The following DOCK1 variants were observed in gnomAD, a reference collection of about 807,000 sequenced individuals.
DOCK1 encodes dedicator of cytokinesis 1, also known as dedicator of cytokinesis protein 1.
In DOCK1, 138 loss-of-function variants were observed where a neutral mutation model predicts 262.7. The ratio of observed to expected loss-of-function variants is 0.53; its 90% confidence interval spans 0.46 to 0.61. DOCK1 has a LOEUF of 0.61. DOCK1 is among the 20% of genes least tolerant of loss of function. The probability of loss-of-function intolerance (pLI) is 0.00; values close to 1 mark genes in which losing one functional copy is unlikely to be tolerated. For missense variants in DOCK1, 1,908 were observed against 2,370.7 expected (o/e 0.80, Z 4.05); for synonymous variants, 866 against 867.4 (o/e 1.00, Z 0.03).
In DOCK1 at chr10:127,075,169, CAAAAAAAAAAAAAAA is replaced by C. The variant is rs71032536; in HGVS notation, c.2445+13409_2445+13423del. On this transcript the variant is annotated intron_variant, in intron 23 of 51. Coordinates refer to ENST00000623213, the MANE Select transcript of DOCK1 (RefSeq NM_001290223.2). Reference sequence around the variant, plus strand: ...GGGCAACAAGAGCGAAACTCTGTCTCAAAAAAAAAAAAAAAAAAAAAAAAAAAAAAGGAGAGTTGT... The same window carrying C: ...GGGCAACAAGAGCGAAACTCTGTCTCAAAAAAAAAAAAAAAGGAGAGTTGT... Among the ~76,000 whole-genome samples the C allele has an allele frequency of 3.7e-4, 24 of 64,322 alleles. 1 individual carries two copies. Among genetic ancestry groups the C allele is most frequent in the Admixed American group, 3.1e-3 (14 of 4,488 alleles). 42.2% of individuals were successfully genotyped at this position (64,322 alleles called of 152,430 possible). A position where few individuals can be genotyped will look rare whatever the true frequency, so the allele number is the denominator to read the frequency against.
chr10:127,279,132 C>T (rs1165957843), intron 29 of DOCK1, among the ~76,000 whole-genome samples: 1 of 152,178 alleles, frequency 6.6e-6, no homozygotes, highest in Admixed American at 6.5e-5. Context: ...GTGGCTTTTT[C>T]ACAATAAAAT....
chr10:127,199,804 G>A (rs1426547475), intron 27 of DOCK1, among the ~76,000 whole-genome samples: 1 of 152,192 alleles, frequency 6.6e-6, no homozygotes, highest in Non-Finnish European at 1.5e-5. Context: ...TCCTGTCTCA[G>A]TGTGACCTCA....
At chr10:127,389,203 C>A (rs2066322035) in intron 38 of DOCK1, among the ~76,000 whole-genome samples, 1 of 152,156 alleles carries the variant, frequency 6.6e-6, no homozygotes, top group South Asian at 2.1e-4. Context: ...AGGAAGGGGG[C>A]ACACAGTAGA....
intron 23 of DOCK1, among the ~76,000 whole-genome samples, chr10:127,065,287 AG>A (rs1417420799): frequency 1.3e-5 from 2 of 152,184 alleles, no homozygotes; most frequent in Non-Finnish European, 2.9e-5. Flanking sequence ...CTGGGATTAC[AG>A]GCATGAGCCA....
intron 29 of DOCK1, chr10:127,271,956 T>C (rs750107614): frequency 3.3e-5 from 5 of 152,224 alleles, no homozygotes; most frequent in Non-Finnish European, 7.3e-5. Flanking sequence ...AATTGAATGT[T>C]GTTCTAAATT....
intron 40 of DOCK1, among the ~76,000 whole-genome samples, chr10:127,405,441 C>CT (rs36056116): frequency 0.083 from 11,129 of 134,100 alleles, 1,090 homozygotes; most frequent in African/African-American, 0.23. Context: ...TTTCTTATGA[C>CT]TTTTTTTTTT....
At chr10:127,286,098 G>A (rs887595432) in intron 29 of DOCK1, among the ~76,000 whole-genome samples, 5 of 152,006 alleles carry the variant, frequency 3.3e-5, no homozygotes, top group Non-Finnish European at 7.4e-5. Context: ...TGTTGCCCTC[G>A]GATAACTCCA....
At position 127,117,451 on chromosome 10, in the gene DOCK1, A is replaced by G. The variant is rs149187020; in HGVS notation, c.2623+7097A>G. Among the ~76,000 whole-genome samples, 21 of 152,372 alleles carry G rather than the reference A, an allele frequency of 1.4e-4. No individual in the cohort carries two copies. The East Asian group carries it at 4.0e-3, about 29-fold the overall frequency. On this transcript the variant is annotated intron_variant, in intron 25 of 51. Transcript: ENST00000623213. ...GAAAACTGAATTTACTTCAAATGCC[A>G]TATGGAGCAAGACAAAATACAAATA...
intron 27 of DOCK1, 51 bp downstream of exon 27, chr10:127,127,815 CCTT>C: frequency 6.8e-7 from 1 of 1,477,152 alleles, no homozygotes; most frequent in Non-Finnish European, 9.4e-7. Context: ...CTGACAGCAT[CCTT>C]CTCCAACTGC....
chr10:127,398,769 G>A (rs777631242), intron 38 of DOCK1, among the ~76,000 whole-genome samples: 13 of 152,100 alleles, frequency 8.5e-5, no homozygotes, highest in Non-Finnish European at 1.6e-4. Context: ...GTGAGTCATC[G>A]CCAGCCTGAA....
At chr10:127,062,967 G>A (rs932619195) in intron 23 of DOCK1, among the ~76,000 whole-genome samples, 2 of 152,168 alleles carry the variant, frequency 1.3e-5, no homozygotes, top group Non-Finnish European at 2.9e-5. Context: ...AGGCCTGAGT[G>A]TTCTTTAGGA....
At chr10:127,441,573 G>A (rs2070138453) in intron 49 of DOCK1, among the ~76,000 whole-genome samples, 1 of 152,200 alleles carries the variant, frequency 6.6e-6, no homozygotes, top group Non-Finnish European at 1.5e-5. Flanking sequence ...TCAGACACCT[G>A]AAGTTTCCTA....
intron 15 of DOCK1, among the ~76,000 whole-genome samples, chr10:127,025,669 C>CG (rs746397672): frequency 6.6e-6 from 1 of 151,896 alleles, no homozygotes; most frequent in African/African-American, 2.4e-5. Context: ...AGGCTGGTCT[C>CG]GAACTCCTGA....
intron 23 of DOCK1, among the ~76,000 whole-genome samples, chr10:127,105,741 A>C (rs1202492446): frequency 6.6e-6 from 1 of 152,144 alleles, no homozygotes; most frequent in Non-Finnish European, 1.5e-5. Flanking sequence ...GCATTGTTTG[A>C]GCATTCTTTG....
At chr10:127,323,538 G>A (rs2062628390) in intron 29 of DOCK1, among the ~76,000 whole-genome samples, 1 of 152,204 alleles carries the variant, frequency 6.6e-6, no homozygotes, top group South Asian at 2.1e-4. Flanking sequence ...AGGCACTCGA[G>A]TAGATCTGTG....
At chr10:127,195,129 G>C (rs548901752) in intron 27 of DOCK1, among the ~76,000 whole-genome samples, 1 of 152,206 alleles carries the variant, frequency 6.6e-6, no homozygotes, top group Non-Finnish European at 1.5e-5. Context: ...AGAATGCTGA[G>C]GTCACAGGGA....
chr10:127,071,315 A>C (rs1193695845), intron 23 of DOCK1, among the ~76,000 whole-genome samples: 1 of 152,168 alleles, frequency 6.6e-6, no homozygotes, highest in Non-Finnish European at 1.5e-5. Flanking sequence ...CCACTCACAT[A>C]GGCAAGAATT....
chr10:127,386,693 A>T (rs1366009407), intron 38 of DOCK1, among the ~76,000 whole-genome samples: 1 of 152,014 alleles, frequency 6.6e-6, no homozygotes, highest in African/African-American at 2.4e-5. Flanking sequence ...TTATTTCGTT[A>T]TGTATTACAA....
At chr10:127,299,209 G>A (rs940587716) in intron 29 of DOCK1, among the ~76,000 whole-genome samples, 1 of 152,058 alleles carries the variant, frequency 6.6e-6, no homozygotes. Context: ...AGTGATTCTC[G>A]TGCCTCAGCC....
Sources: allele counts gnomAD v4.1 joint callset (sites outside exome capture counted in the v4.1 genomes callset), GRCh38; gene constraint gnomAD v4.1.1; transcripts MANE v1.5; gene names NCBI Gene and HGNC (gene_info 2026-07-23, HGNC 2026-07-21).